CACYBP: variants seen among roughly 807,000 people sequenced by gnomAD.
CACYBP encodes calcyclin-binding protein.
CACYBP carries 11 observed loss-of-function variants against 29.6 expected under a neutral mutation model. The ratio of observed to expected loss-of-function variants is 0.37; its 90% CI spans 0.23 to 0.61. The LOEUF is 0.61. Among genes scored for constraint, CACYBP ranks in the 20% least tolerant of loss-of-function variants. CACYBP has a pLI of 0.65. For synonymous variants in CACYBP, 73 were observed against 88.3 expected (o/e 0.83, Z 0.97); for missense variants, 163 against 260.7 (o/e 0.63, Z 2.58).
At position 175,010,622 on chromosome 1, in the gene CACYBP, T is replaced by C. The variant is rs12271; in HGVS notation, c.*543T>C. The C allele has an allele frequency of 6.6e-6, 1 of 152,242 alleles. No homozygotes were observed. The highest frequency in any genetic ancestry group is 1.5e-5 in the Non-Finnish European group (1 of 68,066). The allele number at this position is 152,242 out of a possible 1,614,324, so 9.4% of individuals were successfully genotyped here. ...AGGTGTTTCTATCTAGATTTAAATA[T>C]ATTTGTCAATGAATGTGGAATAGAA... On this transcript the variant is annotated 3_prime_UTR_variant, in exon 6 of 6. Transcript: ENST00000367679.
At position 175,000,213 on chromosome 1, in the gene CACYBP, A is replaced by T; in HGVS notation, c.15+18A>T. 1.9e-6 allele frequency: 3 copies of T among 1,601,930 alleles called. No individual in the cohort carries two copies. The highest frequency in any genetic ancestry group is 2.3e-5 in the East Asian group (1 of 43,934). ...CAGAAGAGGTAAGTGGTCCGGCCCC[A>T]TATTCCTTATGCCCCCCGGCTGGAG... On this transcript the variant is annotated intron_variant, in intron 1 of 5. Transcript: ENST00000367679.
rs202104286 is a variant in CACYBP, at chr1:175,006,729, T to C, written c.236-16T>C. ...CAGAGGCTTACTTACGTCCCATCTT[T>C]TGTTGTCGTTGCCAGGATGGGATCA... On this transcript the variant is annotated splice_polypyrimidine_tract_variant and intron_variant, in intron 2 of 5. Coordinates refer to ENST00000367679, the MANE Select transcript of CACYBP (RefSeq NM_014412.3). The C allele has an allele frequency of 3.2e-5, 45 of 1,410,194 alleles. No individual in the cohort carries two copies. The East Asian group carries it at 1.0e-3, about 32-fold the overall frequency. 87.4% of individuals were successfully genotyped at this position (1,410,194 alleles called of 1,614,324 possible).
At chr1:175,001,000 G>A (rs1672472168) in intron 1 of CACYBP, among the ~76,000 whole-genome samples, 1 of 152,224 alleles carries the variant, frequency 6.6e-6, no homozygotes, top group South Asian at 2.1e-4. Context: ...ACAGTTAAGT[G>A]TTGGGTGTGT....
intron 5 of CACYBP, 147 bp downstream of exon 5, chr1:175,008,853 G>A (rs1672680697): frequency 3.3e-6 from 2 of 609,244 alleles, no homozygotes; most frequent in Non-Finnish European, 6.0e-6. Context: ...GCTTTTTAAG[G>A]TCTTTGTAGT....
rs990893886 is a variant in CACYBP, at chr1:175,010,621, A to ATATT, written c.*544_*547dup. 2.0e-5 allele frequency: 3 copies of ATATT among 152,254 alleles called. No individual in the cohort carries two copies. The highest frequency in any genetic ancestry group is 1.3e-4 in the Admixed American group (2 of 15,282). 9.4% of individuals were successfully genotyped at this position (152,254 alleles called of 1,614,324 possible). ...CAGGTGTTTCTATCTAGATTTAAAT[A>ATATT]TATTTGTCAATGAATGTGGAATAGA... On this transcript the variant is annotated 3_prime_UTR_variant, in exon 6 of 6. Transcript: ENST00000367679.
At position 175,006,745 on chromosome 1, in the gene CACYBP, G is replaced by T. The variant is rs138568219; in HGVS notation, c.236G>T (p.Gly79Val). 1 of 1,565,136 alleles carries T rather than the reference G, an allele frequency of 6.4e-7. No individual in the cohort carries two copies. The highest frequency in any genetic ancestry group is 1.4e-5 in the African/African-American group (1 of 73,796). Reference protein sequence around the residue: ...TGYTVKISNYGWDQSDKFVKI... With the variant: ...TGYTVKISNYVWDQSDKFVKI... ...TCCCATCTTTTGTTGTCGTTGCCAG[G>T]ATGGGATCAGTCAGATAAGTTTGTG... The change falls in exon 3 of 6, where the codon GGA becomes GTA. Residue 79 changes from glycine (G) to valine (V), a missense_variant and splice_region_variant. Gly to Val is a moderately radical substitution (Grantham distance 109). Coordinates refer to ENST00000367679, the MANE Select transcript of CACYBP (RefSeq NM_014412.3).
Position 175,000,987 on chromosome 1 carries a change from T to C in CACYBP, c.15+792T>C, listed in dbSNP as rs559168687. Among the ~76,000 whole-genome samples, 3 of 152,368 alleles carry C rather than the reference T, an allele frequency of 2.0e-5. No individual in the cohort carries two copies. In the East Asian group the frequency reaches 5.8e-4, roughly 29 times the overall value. On this transcript the variant is annotated intron_variant, in intron 1 of 5. Coordinates refer to ENST00000367679, the MANE Select transcript of CACYBP (RefSeq NM_014412.3). ...GTGGGAGGTGAAGACGGGACAGTTA[T>C]TCACAGTTAAGTGTTGGGTGTGTAT...
chr1:175,001,776 C>G (rs770887971), intron 1 of CACYBP, among the ~76,000 whole-genome samples: 7 of 152,326 alleles, frequency 4.6e-5, no homozygotes, highest in African/African-American at 1.2e-4. Flanking sequence ...GAGTCTCGCT[C>G]TGTCGCCCAG....
At chr1:175,008,365 A>G (rs115397485) in intron 4 of CACYBP, among the ~76,000 whole-genome samples, 2,622 of 151,454 alleles carry the variant, frequency 0.017, 39 homozygotes, top group Middle Eastern at 0.075. Flanking sequence ...CCCACCCCCC[A>G]TTAACACCCG....
At chr1:175,003,871 A>G (rs1183645925) in intron 1 of CACYBP, among the ~76,000 whole-genome samples, 2 of 152,042 alleles carry the variant, frequency 1.3e-5, no homozygotes, top group Admixed American at 6.5e-5. Context: ...GTAGACTTTA[A>G]TAGATGATGG....
chr1:175,004,653 A>G lies in CACYBP; in HGVS notation c.55A>G (p.Lys19Glu). 1.2e-6 allele frequency: 2 copies of G among 1,611,398 alleles called. No individual in the cohort carries two copies. The highest frequency in any genetic ancestry group is 2.2e-5 in the East Asian group (1 of 44,868). The stretch of plus-strand genomic sequence containing the variant: ...AGAAGAGGTAAAGGTGTTGCTGGAA[A>G]AGGCTACTAGGAAAAGAGTACGTGA... ...DLEEVKVLLE[K>E]ATRKRVRDAL... is the part of the protein sequence containing the mutation. The change falls in exon 2 of 6, where the codon AAG (lysine) becomes GAG (glutamate). Residue 19 changes from lysine (K) to glutamate (E), a missense_variant. Physicochemically the swap from Lys to Glu is moderately conservative, Grantham distance 56. Transcript: ENST00000367679.
intron 2 of CACYBP, chr1:175,005,071 T>C (rs1057084054): frequency 3.9e-6 from 2 of 518,064 alleles, no homozygotes; most frequent in Non-Finnish European, 3.5e-6. Context: ...AAGGAACTTA[T>C]TCTGAAATTG....
chr1:175,000,356 C>T (rs1672439850), intron 1 of CACYBP, 161 bp downstream of exon 1: 3 of 1,430,494 alleles, frequency 2.1e-6, no homozygotes, highest in African/African-American at 3.0e-5. Context: ...TCGCCCCTTG[C>T]TGCGCCGTCG....
chr1:175,000,592 G>A (rs1672451197), intron 1 of CACYBP: 2 of 1,105,048 alleles, frequency 1.8e-6, no homozygotes, highest in South Asian at 4.9e-5. Flanking sequence ...GTAGAGGGCG[G>A]TTGGAAGGTG....
intron 1 of CACYBP, among the ~76,000 whole-genome samples, chr1:175,002,096 C>G (rs1308089322): frequency 6.6e-6 from 1 of 152,130 alleles, no homozygotes; most frequent in Non-Finnish European, 1.5e-5. Context: ...AGTACTGTAT[C>G]CAAGTTTTTT....
At chr1:175,000,418 A>C (rs2149409218) in intron 1 of CACYBP, 2 of 1,400,248 alleles carry the variant, frequency 1.4e-6, no homozygotes, top group Non-Finnish European at 9.3e-7. Flanking sequence ...GCTGGGCTCG[A>C]GCGGGGGTGT....
At chr1:175,007,291 T>A in intron 4 of CACYBP, 94 bp downstream of exon 4, 1 of 739,512 alleles carries the variant, frequency 1.4e-6, no homozygotes, top group South Asian at 1.7e-5. Flanking sequence ...GAATTTGTCC[T>A]CTGTAACAGG....
At position 175,011,033 on chromosome 1, in the gene CACYBP, G is replaced by GT. The variant is rs1412475237; in HGVS notation, c.*957dup. The GT allele has an allele frequency of 6.8e-6, 1 of 146,694 alleles. No homozygotes were observed. Among genetic ancestry groups the GT allele is most frequent in the East Asian group, 2.2e-4 (1 of 4,492 alleles). The allele number at this position is 146,694 out of a possible 1,614,324, so 9.1% of individuals were successfully genotyped here. A position where few individuals can be genotyped will look rare whatever the true frequency, so the allele number is the denominator to read the frequency against. On this transcript the variant is annotated 3_prime_UTR_variant, in exon 6 of 6. Coordinates refer to ENST00000367679, the MANE Select transcript of CACYBP (RefSeq NM_014412.3). Reference sequence around the variant, plus strand: ...GCTGGAGGATCACTTCAGCCCAGGAGTTTAAGGCTGCAGTGAGCTATGATG... The same window carrying GT: ...GCTGGAGGATCACTTCAGCCCAGGAGTTTTAAGGCTGCAGTGAGCTATGATG...
intron 5 of CACYBP, among the ~76,000 whole-genome samples, chr1:175,009,643 CAAAAAAAAAA>C (rs67446162): frequency 2.0e-5 from 2 of 100,506 alleles, no homozygotes; most frequent in Admixed American, 1.1e-4. Context: ...AGGACTGTCT[CAAAAAAAAAA>C]AAAAAAAAAA....
Sources: gnomAD v4.1 joint callset for allele counts (sites outside exome capture counted in the v4.1 genomes callset) on GRCh38, gnomAD v4.1.1 for gene constraint, MANE v1.5 for transcripts, NCBI Gene and HGNC (gene_info 2026-07-23, HGNC 2026-07-21) for gene names.